The following ELK3 variants were observed in gnomAD, a reference collection of about 807,000 sequenced individuals.
ELK3 encodes the protein ETS domain-containing protein Elk-3.
A neutral mutation model predicts 28.9 loss-of-function variants in ELK3; 10 were observed. The observed-to-expected ratio is 0.35, with a 90% CI of 0.21 to 0.59. The LOEUF (loss-of-function observed/expected upper bound fraction) is 0.59. Ranked by LOEUF, ELK3 falls within the 20% of genes least tolerant of loss-of-function variation. ELK3 has a pLI of 0.82. For synonymous variants in ELK3, 272 were observed against 243.5 expected (o/e 1.12, Z -1.09); for missense variants, 463 against 517.3 (o/e 0.90, Z 1.02).
At position 96,198,504 on chromosome 12, in the gene ELK3, G is replaced by A. The variant is rs376993864; in HGVS notation, c.-3+3799G>A. Among the ~76,000 whole-genome samples the A allele has an allele frequency of 1.3e-4, 20 of 152,244 alleles. No individual in the cohort carries two copies. The East Asian group carries it at 3.3e-3, about 25-fold the overall frequency. Reference sequence around the variant, plus strand: ...GAGAGGGGAAGGGGACTCCATTTTTGTTAGATTTTCTTGTATGTTTCAGGC... The same window carrying A: ...GAGAGGGGAAGGGGACTCCATTTTTATTAGATTTTCTTGTATGTTTCAGGC... On this transcript the variant is annotated intron_variant, in intron 1 of 4. Transcript: ENST00000228741.
chr12:96,247,250 G>A lies in ELK3; in HGVS notation c.518G>A (p.Ser173Asn). Reference protein sequence around the residue: ...TEKLEEPPEDSPPVEEVRTVI... With the variant: ...TEKLEEPPEDNPPVEEVRTVI... ...AAGCTGGAGGAGCCGCCCGAAGACA[G>A]CCCCCCCGTGGAAGAAGTCAGGACT... Residue 173 changes from serine to asparagine, a missense_variant, in exon 3 of 5, where the codon AGC becomes AAC. Coordinates refer to ENST00000228741, the MANE Select transcript of ELK3 (RefSeq NM_005230.4). This position sits in a 1 kb window ranked among gnomAD's most constrained non-coding sequence, Gnocchi z 5.5. The A allele has an allele frequency of 6.2e-7, 1 of 1,614,054 alleles. No individual in the cohort carries two copies. Among genetic ancestry groups the A allele is most frequent in the Non-Finnish European group, 8.5e-7 (1 of 1,180,012 alleles).
chr12:96,235,606 C>T (rs897464871), intron 2 of ELK3, among the ~76,000 whole-genome samples: 2 of 152,010 alleles, frequency 1.3e-5, no homozygotes, highest in African/African-American at 4.8e-5. Context: ...TGAGGATCTT[C>T]GAGGGGAGGG....
chr12:96,236,345 C>T (rs1951783445), intron 2 of ELK3, among the ~76,000 whole-genome samples: 1 of 152,080 alleles, frequency 6.6e-6, no homozygotes, highest in Non-Finnish European at 1.5e-5. Context: ...CACTAGCACC[C>T]TCAGGGTGCC....
chr12:96,257,080 T>C (rs906551965), intron 3 of ELK3, among the ~76,000 whole-genome samples: 1 of 152,240 alleles, frequency 6.6e-6, no homozygotes, highest in Non-Finnish European at 1.5e-5. Flanking sequence ...CGAGACTGTC[T>C]TTGGGGAAGG....
At chr12:96,236,879 C>A (rs912037231) in intron 2 of ELK3, among the ~76,000 whole-genome samples, 2 of 152,198 alleles carry the variant, frequency 1.3e-5, no homozygotes, top group Admixed American at 6.5e-5. Flanking sequence ...ATCTGCAGGG[C>A]CCCGCTCCCT....
At chr12:96,257,132 G>A (rs1951956266) in intron 3 of ELK3, among the ~76,000 whole-genome samples, 1 of 152,172 alleles carries the variant, frequency 6.6e-6, no homozygotes, top group Non-Finnish European at 1.5e-5. Context: ...TTAGCCCTTG[G>A]CCCTCAGGCT....
intron 1 of ELK3, among the ~76,000 whole-genome samples, chr12:96,202,912 G>C (rs1156485195): frequency 6.6e-6 from 1 of 151,962 alleles, no homozygotes; most frequent in African/African-American, 2.4e-5. Flanking sequence ...ACATGAGATG[G>C]AGTCTCGCTC....
chr12:96,212,082 G>C (rs905015525), intron 1 of ELK3, among the ~76,000 whole-genome samples: 1 of 152,208 alleles, frequency 6.6e-6, no homozygotes, highest in Non-Finnish European at 1.5e-5. Flanking sequence ...CTGCAGTACT[G>C]AAGGTTAAAA....
At position 96,210,563 on chromosome 12, in the gene ELK3, A is replaced by G. The variant is rs79120098; in HGVS notation, c.-2-13002A>G. ...GTTCCACCGCCCTGCGCGCGGGCGC[A>G]CGCACACACACACACACACACACAC... is the stretch of plus-strand genomic sequence containing the variant. On this transcript the variant is annotated intron_variant, in intron 1 of 4. Coordinates refer to ENST00000228741, the MANE Select transcript of ELK3 (RefSeq NM_005230.4). Among the ~76,000 whole-genome samples, 148 of 145,218 alleles carry G rather than the reference A, an allele frequency of 1.0e-3. 1 individual carries two copies. Among genetic ancestry groups the G allele is most frequent in the African/African-American group, 3.4e-3 (133 of 38,712 alleles).
intron 3 of ELK3, among the ~76,000 whole-genome samples, chr12:96,248,283 G>A (rs1951875157): frequency 6.6e-6 from 1 of 152,228 alleles, no homozygotes; most frequent in Non-Finnish European, 1.5e-5. Flanking sequence ...CTCTGAGAAA[G>A]CCCCAGTCCA....
chr12:96,266,887 TC>T (rs1183444560), intron 4 of ELK3, among the ~76,000 whole-genome samples, 194 bp from the exon 5 acceptor site: 1 of 152,256 alleles, frequency 6.6e-6, no homozygotes, highest in Non-Finnish European at 1.5e-5. Context: ...CTGGGCCTTA[TC>T]CTTTGTTTGC....
chr12:96,200,260 A>G (rs543620148), intron 1 of ELK3, among the ~76,000 whole-genome samples: 2 of 152,246 alleles, frequency 1.3e-5, no homozygotes, highest in Non-Finnish European at 2.9e-5. Context: ...CTGCAGTGCT[A>G]TAGAACACGA....
rs147145066 is a variant in ELK3, at chr12:96,205,490, T to C, written c.-3+10785T>C. On this transcript the variant is annotated intron_variant, in intron 1 of 4. Coordinates refer to ENST00000228741, the MANE Select transcript of ELK3 (RefSeq NM_005230.4). Reference sequence around the variant, plus strand: ...GATGGTTTCTTTTCTTTTTTTCTTTTAGAGACAGCATCTTGCTCTGTCACC... The same window carrying C: ...GATGGTTTCTTTTCTTTTTTTCTTTCAGAGACAGCATCTTGCTCTGTCACC... Among the ~76,000 whole-genome samples, 894 of 152,304 alleles carry C rather than the reference T, an allele frequency of 5.9e-3. 6 individuals carry two copies. Among genetic ancestry groups the C allele is most frequent in the Non-Finnish European group, 9.1e-3 (616 of 68,032 alleles).
intron 1 of ELK3, among the ~76,000 whole-genome samples, chr12:96,194,929 C>CGCCCGAGCTCGCGCCGG (rs927283969): frequency 1.4e-5 from 2 of 147,118 alleles, no homozygotes; most frequent in Non-Finnish European, 3.0e-5. Flanking sequence ...CCACCGCCGT[C>CGCCCGAGCTCGCGCCGG]GCCCGAGCTC....
At chr12:96,242,246 A>G (rs1951826777) in intron 2 of ELK3, among the ~76,000 whole-genome samples, 1 of 152,188 alleles carries the variant, frequency 6.6e-6, no homozygotes, top group African/African-American at 2.4e-5. Flanking sequence ...GTCACCCTTC[A>G]TAGTAGCCAA....
intron 1 of ELK3, among the ~76,000 whole-genome samples, chr12:96,196,204 T>TG: frequency 6.6e-6 from 1 of 152,286 alleles, no homozygotes; most frequent in South Asian, 2.1e-4. Context: ...AGCCCGGCGC[T>TG]GGGGAAGGAG....
chr12:96,253,792 A>C (rs151215767), intron 3 of ELK3, among the ~76,000 whole-genome samples: 27 of 152,364 alleles, frequency 1.8e-4, no homozygotes, highest in Non-Finnish European at 1.5e-5. Flanking sequence ...TCAGTCCAGT[A>C]ACAAATGTTT....
intron 2 of ELK3, among the ~76,000 whole-genome samples, chr12:96,226,920 T>C (rs776931446): frequency 3.3e-5 from 5 of 152,120 alleles, no homozygotes; most frequent in Admixed American, 6.5e-5. Flanking sequence ...CAAAAAGAGA[T>C]GACGAAAACT....
chr12:96,254,038 G>A (rs527690719), intron 3 of ELK3, among the ~76,000 whole-genome samples: 2 of 152,302 alleles, frequency 1.3e-5, no homozygotes, highest in African/African-American at 4.8e-5. Flanking sequence ...GAAATTAACT[G>A]CTAGAGGCTG....
Sources: gnomAD v4.1 joint callset for allele counts (sites outside exome capture counted in the v4.1 genomes callset) on GRCh38, gnomAD v4.1.1 for gene constraint, Gnocchi (gnomAD v3.1) non-coding constraint, MANE v1.5 for transcripts, NCBI Gene and HGNC (gene_info 2026-07-23, HGNC 2026-07-21) for gene names.